LRRC52: variants seen among roughly 807,000 people sequenced by gnomAD.
LRRC52 encodes leucine rich repeat containing 52, also known as leucine-rich repeat-containing protein 52.
LRRC52 carries 15 observed loss-of-function variants against 14.7 expected under a neutral mutation model. The ratio of observed to expected loss-of-function variants is 1.02; its 90% CI spans 0.68 to 1.58. The LOEUF is 1.58. Ranked by LOEUF, LRRC52 falls within the 40% of genes most tolerant of loss-of-function variation. The pLI, the probability that LRRC52 is intolerant of heterozygous loss-of-function variation, is 0.00. For missense variants in LRRC52, 400 were observed against 387.7 expected, an observed-to-expected ratio of 1.03 and a Z score of -0.27; for synonymous variants, 180 against 163.9, an observed-to-expected ratio of 1.10 and a Z score of -0.75.
intron 1 of LRRC52, among the ~76,000 whole-genome samples, chr1:165,553,591 G>C (rs1301575440): frequency 6.6e-6 from 1 of 152,204 alleles, no homozygotes; most frequent in Non-Finnish European, 1.5e-5. Flanking sequence ...GATGGAAAGA[G>C]TCGATGCAGA....
chr1:165,553,025 T>G (rs907625726), intron 1 of LRRC52, among the ~76,000 whole-genome samples: 1 of 152,204 alleles, frequency 6.6e-6, no homozygotes, highest in Admixed American at 6.5e-5. Flanking sequence ...GGCATTTGTA[T>G]GTTCTGACCT....
intron 1 of LRRC52, among the ~76,000 whole-genome samples, chr1:165,548,957 G>C (rs1258216470): frequency 6.6e-6 from 1 of 152,142 alleles, no homozygotes; most frequent in East Asian, 1.9e-4. Context: ...AACGCACCCT[G>C]TCTAGAAATA....
Position 165,544,175 on chromosome 1 carries a change from A to C in LRRC52, c.-122A>C. Reference sequence around the variant, plus strand: ...CTGTAATGGAAAATTGCTTTGCACAAAGCTAAAGTGTTACAGTTCTTTCCA... The same window carrying C: ...CTGTAATGGAAAATTGCTTTGCACACAGCTAAAGTGTTACAGTTCTTTCCA... On this transcript the variant is annotated 5_prime_UTR_variant, in exon 1 of 2. Transcript: ENST00000294818. 1.6e-6 allele frequency: 2 copies of C among 1,260,306 alleles called. No homozygotes were observed. The highest frequency in any genetic ancestry group is 2.4e-5 in the East Asian group (1 of 42,530). 78.1% of individuals were successfully genotyped at this position (1,260,306 alleles called of 1,614,324 possible). A position where few individuals can be genotyped will look rare whatever the true frequency, so the allele number is the denominator to read the frequency against.
chr1:165,554,426 G>GGTGGTTGTTGTT (rs1553233022), intron 1 of LRRC52, among the ~76,000 whole-genome samples: 16 of 150,590 alleles, frequency 1.1e-4, no homozygotes, highest in Admixed American at 2.0e-4. Context: ...AATGATAGGT[G>GGTGGTTGTTGTT]GTTGTTGTTG....
chr1:165,548,252 T>C (rs285440), intron 1 of LRRC52, among the ~76,000 whole-genome samples: 142,714 of 152,268 alleles, frequency 0.94, 67,113 homozygotes, highest in East Asian at 1. Context: ...TGAGAGTGCA[T>C]ATATATTCCT....
intron 1 of LRRC52, among the ~76,000 whole-genome samples, chr1:165,552,674 C>T (rs1463068883): frequency 6.6e-6 from 1 of 152,082 alleles, no homozygotes; most frequent in Non-Finnish European, 1.5e-5. Flanking sequence ...TTCTTGTGCA[C>T]CCTTTGTAAC....
chr1:165,560,400 C>T (rs949229464), intron 1 of LRRC52, among the ~76,000 whole-genome samples: 6 of 152,156 alleles, frequency 3.9e-5, no homozygotes, highest in Admixed American at 6.5e-5. Flanking sequence ...TTACACAATT[C>T]AGTCAATGAA....
chr1:165,544,833 GT>G lies in LRRC52; in HGVS notation c.540del (p.Leu181Ter), dbSNP rs1319548778. 8.7e-6 allele frequency: 14 copies of G among 1,613,992 alleles called. No homozygotes were observed. The East Asian group carries it at 3.1e-4, about 36-fold the overall frequency. On this transcript the variant is annotated frameshift_variant, in exon 1 of 2. Transcript: ENST00000294818. LOFTEE classifies it high-confidence loss of function. ...ACCACCTCACTACTCTGGAGACCCT[GT>G]TTCTGAGTGGAAACCCCTGGAAGTG... ...LYHLTTLETL[F>X]LSGNPWKCNC...
At position 165,544,219 on chromosome 1, in the gene LRRC52, A is replaced by ACCCCCCCCCCC; in HGVS notation, c.-71_-70insCCCCCCCCCCC. The ACCCCCCCCCCC allele has an allele frequency of 1.9e-6, 1 of 515,938 alleles. No individual in the cohort carries two copies. The highest frequency in any genetic ancestry group is 3.5e-6 in the Non-Finnish European group (1 of 287,590). 32.0% of individuals were successfully genotyped at this position (515,938 alleles called of 1,614,324 possible). ...CTTTCCAGAGCCCCTCCCCCGCCCC[A>ACCCCCCCCCCC]CCCCCCCACCGGCAGCCTTCGGATC... On this transcript the variant is annotated 5_prime_UTR_variant, in exon 1 of 2. Transcript: ENST00000294818.
chr1:165,548,933 T>C (rs1009421248), intron 1 of LRRC52, among the ~76,000 whole-genome samples: 3 of 152,120 alleles, frequency 2.0e-5, no homozygotes, highest in Non-Finnish European at 4.4e-5. Flanking sequence ...TCAGCATACG[T>C]GGTGTTAGAG....
chr1:165,554,265 G>A (rs1661189564), intron 1 of LRRC52, among the ~76,000 whole-genome samples: 1 of 152,120 alleles, frequency 6.6e-6, no homozygotes, highest in Admixed American at 6.5e-5. Flanking sequence ...GAGATGCAGA[G>A]GACGGGTAAA....
At chr1:165,553,207 T>C (rs1486913397) in intron 1 of LRRC52, among the ~76,000 whole-genome samples, 3 of 151,668 alleles carry the variant, frequency 2.0e-5, no homozygotes, top group Non-Finnish European at 2.9e-5. Context: ...TACTAAAGGG[T>C]CAAGTAAGAA....
At chr1:165,559,864 T>A (rs1661308238) in intron 1 of LRRC52, among the ~76,000 whole-genome samples, 1 of 152,196 alleles carries the variant, frequency 6.6e-6, no homozygotes, top group South Asian at 2.1e-4. Context: ...TAAGATAATA[T>A]TTGCCTAATT....
At chr1:165,561,822 C>A (rs1372612792) in intron 1 of LRRC52, among the ~76,000 whole-genome samples, 1 of 152,262 alleles carries the variant, frequency 6.6e-6, no homozygotes, top group Non-Finnish European at 1.5e-5. Context: ...TGCATTGATA[C>A]AGAAGCAAGA....
At chr1:165,556,887 A>T (rs933297852) in intron 1 of LRRC52, among the ~76,000 whole-genome samples, 3 of 152,232 alleles carry the variant, frequency 2.0e-5, no homozygotes, top group Non-Finnish European at 4.4e-5. Context: ...CTAGGGAATC[A>T]TCTCCTCTGG....
At chr1:165,552,534 G>A (rs991405265) in intron 1 of LRRC52, among the ~76,000 whole-genome samples, 1 of 152,106 alleles carries the variant, frequency 6.6e-6, no homozygotes. Flanking sequence ...GGAAGCTCCC[G>A]TAGGCGTTCA....
Sources: allele counts gnomAD v4.1 joint callset (sites outside exome capture counted in the v4.1 genomes callset), GRCh38; gene constraint gnomAD v4.1.1; transcripts MANE v1.5; gene names NCBI Gene and HGNC (gene_info 2026-07-23, HGNC 2026-07-21).